The following CSMD1 variants were observed in gnomAD, a reference collection of about 807,000 sequenced individuals.
CSMD1 encodes CUB and sushi domain-containing protein 1.
CSMD1 carries 213 observed loss-of-function variants against 417.5 expected under a neutral mutation model. The ratio of observed to expected loss-of-function variants is 0.51; its 90% CI spans 0.46 to 0.57. The LOEUF is 0.57. Ranked by LOEUF, CSMD1 falls within the 20% of genes least tolerant of loss-of-function variation. The pLI is 0.00. For missense variants in CSMD1, 6,923 were observed against 4,529.7 expected (o/e 1.53, Z -15.17); for synonymous variants, 2,862 against 1,736.8 (o/e 1.65, Z -16.11).
intron 1 of CSMD1, among the ~76,000 whole-genome samples, chr8:4,714,790 G>T (rs1335795128): frequency 6.6e-6 from 1 of 152,058 alleles, no homozygotes; most frequent in African/African-American, 2.4e-5. Context: ...GGAAAAATTT[G>T]GGATTAAAAT....
intron 2 of CSMD1, among the ~76,000 whole-genome samples, chr8:4,441,587 G>T (rs188971073): frequency 6.6e-6 from 1 of 152,112 alleles, no homozygotes; most frequent in African/African-American, 2.4e-5. Flanking sequence ...AACATTTTAT[G>T]TTCAATACAT....
intron 5 of CSMD1, among the ~76,000 whole-genome samples, chr8:3,855,678 G>T (rs1210278171): frequency 6.6e-6 from 1 of 152,014 alleles, no homozygotes; most frequent in Admixed American, 6.6e-5. Context: ...AATCATAACT[G>T]TTATTTACCA....
chr8:4,496,113 A>G (rs1487083665), intron 2 of CSMD1, among the ~76,000 whole-genome samples: 3 of 152,230 alleles, frequency 2.0e-5, no homozygotes, highest in African/African-American at 7.2e-5. Flanking sequence ...GCTAAGTTAA[A>G]GAAAAGTAGC....
chr8:4,366,779 A>G (rs894949360), intron 3 of CSMD1, among the ~76,000 whole-genome samples: 1 of 152,064 alleles, frequency 6.6e-6, no homozygotes, highest in Non-Finnish European at 1.5e-5. Context: ...ACATACATAT[A>G]CATGTGCCAT....
chr8:3,524,131 A>G (rs1417912675), intron 10 of CSMD1, among the ~76,000 whole-genome samples: 1 of 150,928 alleles, frequency 6.6e-6, no homozygotes, highest in Non-Finnish European at 1.5e-5. Flanking sequence ...GCACATACAT[A>G]CACACACACG....
chr8:4,464,502 C>A (rs527550987), intron 2 of CSMD1, among the ~76,000 whole-genome samples: 2 of 152,136 alleles, frequency 1.3e-5, no homozygotes, highest in Non-Finnish European at 2.9e-5. Context: ...TATAATAACA[C>A]ATTGAGTATC....
chr8:3,263,609 T>A (rs971268507), intron 26 of CSMD1, among the ~76,000 whole-genome samples: 2 of 152,234 alleles, frequency 1.3e-5, no homozygotes, highest in African/African-American at 4.8e-5. Flanking sequence ...ATTTTTAGTA[T>A]GAAATTATAT....
intron 2 of CSMD1, among the ~76,000 whole-genome samples, chr8:4,540,978 G>C (rs1003599553): frequency 9.9e-5 from 15 of 152,176 alleles, no homozygotes; most frequent in Admixed American, 1.3e-4. Flanking sequence ...CACAGGTAAA[G>C]GGTCTGAAAC....
At chr8:4,912,331 A>G (rs1381711069) in intron 1 of CSMD1, among the ~76,000 whole-genome samples, 4 of 148,054 alleles carry the variant, frequency 2.7e-5, no homozygotes, top group African/African-American at 7.5e-5. Context: ...AGAGGGAAGA[A>G]TTTCTTACAT....
intron 26 of CSMD1, among the ~76,000 whole-genome samples, chr8:3,250,274 G>C (rs1800167492): frequency 6.6e-6 from 1 of 152,048 alleles, no homozygotes; most frequent in Non-Finnish European, 1.5e-5. Context: ...TGTACTCATT[G>C]TTCAATTCCC....
At chr8:4,742,665 G>A (rs1362782361) in intron 1 of CSMD1, among the ~76,000 whole-genome samples, 2 of 152,100 alleles carry the variant, frequency 1.3e-5, no homozygotes, top group Non-Finnish European at 2.9e-5. Flanking sequence ...GTGTTAACAT[G>A]GAGCATTTTT....
At chr8:3,048,225 A>T (rs1811583893) in intron 50 of CSMD1, among the ~76,000 whole-genome samples, 2 of 152,198 alleles carry the variant, frequency 1.3e-5, no homozygotes, top group Non-Finnish European at 2.9e-5. Context: ...GACCAACAAG[A>T]CCGATCTTGT....
At position 3,209,830 on chromosome 8, in the gene CSMD1, C is replaced by T. The variant is rs144950894; in HGVS notation, c.4868-4210G>A. On this transcript the variant is annotated intron_variant, in intron 30 of 69. Coordinates refer to ENST00000635120, the MANE Select transcript of CSMD1 (RefSeq NM_033225.6). ...ATTCATTGCTAATGGTAACAAGAAG[C>T]TTGCTTATCCATTTGGCTAATTAGA... 6.9e-4 allele frequency among the ~76,000 whole-genome samples: 105 copies of T among 152,202 alleles called. 1 individual carries two copies. Among genetic ancestry groups the T allele is most frequent in the African/African-American group, 2.4e-3 (101 of 41,542 alleles).
intron 1 of CSMD1, among the ~76,000 whole-genome samples, chr8:4,914,380 T>C (rs1805911976): frequency 6.6e-6 from 1 of 151,850 alleles, no homozygotes; most frequent in Non-Finnish European, 1.5e-5. Flanking sequence ...ATCGAGACCA[T>C]CCTGGCTAAC....
intron 1 of CSMD1, among the ~76,000 whole-genome samples, chr8:4,786,255 G>A (rs1005319078): frequency 6.6e-6 from 1 of 152,056 alleles, no homozygotes; most frequent in Non-Finnish European, 1.5e-5. Context: ...TATCCATTTA[G>A]GACTATTTTT....
At chr8:3,985,900 C>T in intron 5 of CSMD1, among the ~76,000 whole-genome samples, 1 of 150,998 alleles carries the variant, frequency 6.6e-6, no homozygotes, top group East Asian at 2.0e-4. Context: ...TGCACTCTTA[C>T]TTTGAACATT....
intron 7 of CSMD1, among the ~76,000 whole-genome samples, chr8:3,618,900 G>A (rs1402537040): frequency 6.6e-6 from 1 of 152,186 alleles, no homozygotes; most frequent in Non-Finnish European, 1.5e-5. Flanking sequence ...GAAAGTGGCT[G>A]GCAGCACGAT....
At position 3,227,990 on chromosome 8, in the gene CSMD1, A is replaced by G. The variant is rs185719541; in HGVS notation, c.4345+2050T>C. ...ACCATGTTGCCCAGGCTGGTCTCAA[A>G]CTCCTGATGTCAAGTGATCTGCCCG... On this transcript the variant is annotated intron_variant, in intron 27 of 69. Coordinates refer to ENST00000635120, the MANE Select transcript of CSMD1 (RefSeq NM_033225.6). Among the ~76,000 whole-genome samples the G allele has an allele frequency of 4.9e-4, 75 of 151,752 alleles. 1 individual carries two copies. In the East Asian group the frequency reaches 0.013, roughly 26 times the overall value.
intron 50 of CSMD1, among the ~76,000 whole-genome samples, chr8:3,047,739 A>T (rs143107556): frequency 7.2e-5 from 11 of 152,322 alleles, no homozygotes; most frequent in African/African-American, 2.4e-4. Flanking sequence ...AGGGTTATGT[A>T]ATGCCAATCC....
Sources: gnomAD v4.1 joint callset for allele counts (sites outside exome capture counted in the v4.1 genomes callset) on GRCh38, gnomAD v4.1.1 for gene constraint, MANE v1.5 for transcripts, NCBI Gene and HGNC (gene_info 2026-07-23, HGNC 2026-07-21) for gene names.